CADM2: variants seen among roughly 807,000 people sequenced by gnomAD.
CADM2 encodes the protein cell adhesion molecule 2.
Under a neutral mutation model 49.8 loss-of-function variants are expected in CADM2, and 12 were observed. That is an observed-to-expected ratio of 0.24 (90% CI 0.15 to 0.39). The LOEUF (loss-of-function observed/expected upper bound fraction) is 0.39. CADM2 is among the 10% of genes least tolerant of loss of function. CADM2 has a pLI of 1.00. For synonymous variants in CADM2, 214 were observed against 175.4 expected, an observed-to-expected ratio of 1.22 and a Z score of -1.74; for missense variants, 378 against 492.3, an observed-to-expected ratio of 0.77 and a Z score of 2.20.
At chr3:85,128,804 G>T (rs2107605443) in intron 1 of CADM2, among the ~76,000 whole-genome samples, 1 of 152,276 alleles carries the variant, frequency 6.6e-6, no homozygotes, top group Non-Finnish European at 1.5e-5. Flanking sequence ...AGAAATAAAA[G>T]CAGAGTTTTT....
intron 3 of CADM2, 51 bp downstream of exon 3, chr3:85,802,247 T>C: frequency 6.8e-7 from 1 of 1,465,800 alleles, no homozygotes; most frequent in South Asian, 1.3e-5. Flanking sequence ...AATATCCTAA[T>C]TACAATAAAT....
intron 1 of CADM2, among the ~76,000 whole-genome samples, chr3:85,494,148 T>C (rs1004816023): frequency 6.6e-5 from 10 of 152,114 alleles, no homozygotes; most frequent in African/African-American, 1.9e-4. Flanking sequence ...TTTGATTCAA[T>C]TATGTAGTAT....
chr3:86,012,597 A>G (rs1414929530), intron 8 of CADM2: 43 of 1,575,858 alleles, frequency 2.7e-5, no homozygotes, highest in Non-Finnish European at 3.6e-5. Context: ...CTGCACGCGA[A>G]GCGCACGCAG....
chr3:85,611,798 G>T (rs1301229508), intron 1 of CADM2, among the ~76,000 whole-genome samples: 1 of 151,462 alleles, frequency 6.6e-6, no homozygotes, highest in East Asian at 1.9e-4. Flanking sequence ...GAAAATGTGT[G>T]TGTGTTGAGG....
At chr3:86,039,958 T>A (rs1321701357) in intron 8 of CADM2, among the ~76,000 whole-genome samples, 2 of 152,164 alleles carry the variant, frequency 1.3e-5, no homozygotes, top group African/African-American at 4.8e-5. Flanking sequence ...CTGCTGCTGA[T>A]ACCCAGGCAA....
chr3:85,877,684 G>GTTTTTTTTTTTTTTTTTTTTTT (rs368101272), intron 3 of CADM2, among the ~76,000 whole-genome samples: 1 of 112,024 alleles, frequency 8.9e-6, no homozygotes, highest in East Asian at 2.7e-4. Flanking sequence ...TTTTTCTTCT[G>GTTTTTTTTTTTTTTTTTTTTTT]TTTTTTTTTT....
At chr3:85,027,235 C>G (rs1201783083) in intron 1 of CADM2, among the ~76,000 whole-genome samples, 1 of 149,928 alleles carries the variant, frequency 6.7e-6, no homozygotes, top group Non-Finnish European at 1.5e-5. Flanking sequence ...CTGCCTCAGC[C>G]TCCTGAGTAG....
chr3:85,087,861 C>G (rs1005927295), intron 1 of CADM2, among the ~76,000 whole-genome samples: 2 of 152,098 alleles, frequency 1.3e-5, no homozygotes, highest in Admixed American at 1.3e-4. Context: ...AAAACTGCCC[C>G]AGTTTTTTCC....
intron 5 of CADM2, among the ~76,000 whole-genome samples, chr3:85,887,196 C>T (rs113866696): frequency 1.1e-4 from 8 of 73,158 alleles, no homozygotes; most frequent in African/African-American, 2.2e-4. Flanking sequence ...CAGTGATTTT[C>T]CCGCCTCAGC....
intron 1 of CADM2, among the ~76,000 whole-genome samples, chr3:85,708,619 C>T (rs2107731031): frequency 6.6e-6 from 1 of 152,206 alleles, no homozygotes; most frequent in Admixed American, 6.5e-5. Context: ...CAATCTACTC[C>T]AGAAATCTTA....
chr3:84,983,372 T>TC (rs397875168), intron 1 of CADM2, among the ~76,000 whole-genome samples: 4 of 151,688 alleles, frequency 2.6e-5, no homozygotes, highest in African/African-American at 9.7e-5. Flanking sequence ...TTTTTTTTTT[T>TC]CATTGAAAAT....
intron 1 of CADM2, among the ~76,000 whole-genome samples, chr3:84,964,212 G>A (rs552956589): frequency 6.6e-6 from 1 of 152,274 alleles, no homozygotes; most frequent in South Asian, 2.1e-4. Flanking sequence ...GTGGTAGAAT[G>A]TCATTTTTCT....
intron 1 of CADM2, among the ~76,000 whole-genome samples, chr3:85,020,921 A>T (rs148722184): frequency 0.01 from 1,529 of 152,162 alleles, 37 homozygotes; most frequent in African/African-American, 0.035. Flanking sequence ...ATTATTCAAA[A>T]TTCATATTAT....
intron 1 of CADM2, among the ~76,000 whole-genome samples, chr3:85,535,084 G>A (rs2061396585): frequency 6.6e-6 from 1 of 151,898 alleles, no homozygotes; most frequent in Non-Finnish European, 1.5e-5. Flanking sequence ...TCAGTAATTT[G>A]AGTTCATTTT....
chr3:85,114,609 A>C (rs1258349249), intron 1 of CADM2, among the ~76,000 whole-genome samples: 1 of 152,186 alleles, frequency 6.6e-6, no homozygotes, highest in African/African-American at 2.4e-5. Flanking sequence ...ATATAACTCT[A>C]TAGTGCTTGT....
chr3:85,867,747 A>G (rs1222091082), intron 3 of CADM2, among the ~76,000 whole-genome samples: 1 of 152,078 alleles, frequency 6.6e-6, no homozygotes, highest in Non-Finnish European at 1.5e-5. Flanking sequence ...ATAGCATTGT[A>G]CACTTCTTCA....
At chr3:85,388,128 G>A (rs941375352) in intron 1 of CADM2, among the ~76,000 whole-genome samples, 12 of 152,012 alleles carry the variant, frequency 7.9e-5, no homozygotes, top group Admixed American at 3.9e-4. Context: ...TCCTGGGCTC[G>A]AGCGATACTC....
At chr3:85,614,032 G>A (rs2063739812) in intron 1 of CADM2, among the ~76,000 whole-genome samples, 1 of 151,534 alleles carries the variant, frequency 6.6e-6, no homozygotes, top group African/African-American at 2.4e-5. Context: ...TGATGTACTT[G>A]TAAGAATGTT....
chr3:85,913,391 T>A (rs1350617768), intron 6 of CADM2, among the ~76,000 whole-genome samples: 1 of 152,234 alleles, frequency 6.6e-6, no homozygotes, highest in African/African-American at 2.4e-5. Flanking sequence ...TTCTAGATAA[T>A]GAAGATTTTG....
Sources: allele counts gnomAD v4.1 joint callset (sites outside exome capture counted in the v4.1 genomes callset), GRCh38; gene constraint gnomAD v4.1.1; transcripts MANE v1.5; gene names NCBI Gene and HGNC (gene_info 2026-07-23, HGNC 2026-07-21).